Variants in MSANTD3 observed in about 807,000 individuals in gnomAD.
The protein encoded by MSANTD3 is myb/SANT-like DNA-binding domain-containing protein 3.
In MSANTD3, 11 loss-of-function variants were observed where a neutral mutation model predicts 27.7. That is an observed-to-expected ratio of 0.40 (90% CI 0.25 to 0.66). The LOEUF (loss-of-function observed/expected upper bound fraction) is 0.66. MSANTD3 is among the 30% of genes least tolerant of loss of function. The probability of loss-of-function intolerance (pLI) is 0.41; values close to 1 mark genes in which losing one functional copy is unlikely to be tolerated. For missense variants in MSANTD3, 250 were observed against 336.5 expected, an observed-to-expected ratio of 0.74 and a Z score of 2.01; for synonymous variants, 131 against 127.2, an observed-to-expected ratio of 1.03 and a Z score of -0.20.
At chr9:100,434,989 A>G (rs12004968) in intron 1 of MSANTD3, among the ~76,000 whole-genome samples, 30,715 of 151,860 alleles carry the variant, frequency 0.2, 3,205 homozygotes, top group South Asian at 0.33. Context: ...ACACACACAC[A>G]CGTGCGCACA....
chr9:100,449,612 A>G (rs943357738), intron 2 of MSANTD3, among the ~76,000 whole-genome samples: 1 of 152,182 alleles, frequency 6.6e-6, no homozygotes, highest in African/African-American at 2.4e-5. Flanking sequence ...GAAAAAAAGC[A>G]TGACCTTATA....
chr9:100,443,915 C>T (rs1459284612), intron 2 of MSANTD3, among the ~76,000 whole-genome samples: 2 of 152,164 alleles, frequency 1.3e-5, no homozygotes, highest in Non-Finnish European at 2.9e-5. Context: ...GCAAGCACTT[C>T]CCCAGGAAAA....
rs1375876854 is a variant in MSANTD3 at position 100,451,253 on chromosome 9, GTTGT to G, written c.*290_*293del. 5.4e-5 allele frequency: 15 copies of G among 277,342 alleles called. No homozygotes were observed. The highest frequency in any genetic ancestry group is 7.9e-5 in the Non-Finnish European group (12 of 150,970). 17.2% of individuals were successfully genotyped at this position (277,342 alleles called of 1,614,324 possible). On this transcript the variant is annotated 3_prime_UTR_variant, in exon 3 of 3. Coordinates refer to ENST00000395067, the MANE Select transcript of MSANTD3 (RefSeq NM_080655.3). ...AGAACCACGTGTGAGTGTTGTTGTT[GTTGT>G]TTTTTTTTTTAATCAAATGCAAGTG...
At chr9:100,440,539 CTG>C (rs1435648518) in intron 1 of MSANTD3, among the ~76,000 whole-genome samples, 1 of 151,850 alleles carries the variant, frequency 6.6e-6, no homozygotes, top group Non-Finnish European at 1.5e-5. Flanking sequence ...GATGAAAAAA[CTG>C]AGGTTGCCAT....
rs558178252 is a variant in MSANTD3 at position 100,443,049 on chromosome 9, T to C, written c.418+693T>C. ...ATTTCACTTTTTTCAAAAAATATTTTTGGAGGTCCTTATTATTTGCAAAGC... is the reference window on the plus strand; with the variant it reads ...ATTTCACTTTTTTCAAAAAATATTTCTGGAGGTCCTTATTATTTGCAAAGC... On this transcript the variant is annotated intron_variant, in intron 2 of 2. Coordinates refer to ENST00000395067, the MANE Select transcript of MSANTD3 (RefSeq NM_080655.3). Among the ~76,000 whole-genome samples the C allele has an allele frequency of 3.9e-5, 6 of 152,274 alleles. No individual in the cohort carries two copies. The South Asian group carries it at 1.2e-3, about 32-fold the overall frequency.
chr9:100,445,356 C>A, intron 2 of MSANTD3: 1 of 634,670 alleles, frequency 1.6e-6, no homozygotes, highest in Non-Finnish European at 2.8e-6. Context: ...TTGTCACAAG[C>A]CACATGAGGC....
At chr9:100,444,928 T>C (rs1836718257) in intron 2 of MSANTD3, 1 of 387,548 alleles carries the variant, frequency 2.6e-6, no homozygotes, top group African/African-American at 2.0e-5. Context: ...TATTTTAAAT[T>C]GGATGTTTGT....
At chr9:100,448,097 G>A (rs1836798873) in intron 2 of MSANTD3, 2 of 478,712 alleles carry the variant, frequency 4.2e-6, no homozygotes, top group African/African-American at 4.2e-5. Flanking sequence ...AGGCTGAAGT[G>A]GGAGGGTCAC....
At chr9:100,433,521 C>T (rs1836415340) in intron 1 of MSANTD3, among the ~76,000 whole-genome samples, 1 of 152,106 alleles carries the variant, frequency 6.6e-6, no homozygotes, top group Non-Finnish European at 1.5e-5. Context: ...AGGCACATGC[C>T]ACCTTGCCTG....
chr9:100,430,988 C>G (rs1364887197), intron 1 of MSANTD3, among the ~76,000 whole-genome samples: 1 of 151,472 alleles, frequency 6.6e-6, no homozygotes, highest in Non-Finnish European at 1.5e-5. Context: ...CCACTTTATT[C>G]TTTTTCTTTT....
chr9:100,445,295 G>A, intron 2 of MSANTD3: 1 of 995,584 alleles, frequency 1.0e-6, no homozygotes, highest in East Asian at 2.4e-5. Context: ...TTGACATAAG[G>A]AATGTGTGTG....
intron 2 of MSANTD3, among the ~76,000 whole-genome samples, chr9:100,443,269 C>G (rs906327164): frequency 1.3e-5 from 2 of 151,842 alleles, no homozygotes; most frequent in African/African-American, 4.8e-5. Flanking sequence ...CGTGGTGGTG[C>G]ATGCCTGTAA....
chr9:100,440,727 A>G (rs1328568664), intron 1 of MSANTD3, among the ~76,000 whole-genome samples: 1 of 136,650 alleles, frequency 7.3e-6, no homozygotes, highest in Non-Finnish European at 1.5e-5. Flanking sequence ...AGTAGCTGGG[A>G]TTACAGGTGC....
Position 100,450,748 on chromosome 9 carries a change from C to T in MSANTD3, c.610C>T (p.Gln204Ter). ...GATGCATGAGGAAGAACACCATCAACAAATGTCCATCTTACAACTGCAACT... is the reference window on the plus strand; with the variant it reads ...GATGCATGAGGAAGAACACCATCAATAAATGTCCATCTTACAACTGCAACT... Reference protein sequence around the residue: ...KKMHEEEHHQQMSILQLQLIQ... With the variant: ...KKMHEEEHHQ The change falls in exon 3 of 3, where the codon CAA becomes TAA. Residue 204 changes from glutamine (Q) to a stop codon, truncating the protein, a stop_gained. Transcript: ENST00000395067. LOFTEE classifies it high-confidence loss of function. 6.2e-7 allele frequency: 1 copy of T among 1,614,014 alleles called. No individual in the cohort carries two copies. Among genetic ancestry groups the T allele is most frequent in the Non-Finnish European group, 8.5e-7 (1 of 1,179,992 alleles).
chr9:100,448,328 G>C, intron 2 of MSANTD3: 1 of 985,040 alleles, frequency 1.0e-6, no homozygotes, highest in South Asian at 4.7e-5. Context: ...AAAGAGAAAA[G>C]AGACTAGAAG....
chr9:100,442,232 C>T lies in MSANTD3; in HGVS notation c.294C>T (p.Ser98=), dbSNP rs200716867. The change falls in exon 2 of 3, where the codon AGC becomes AGT. Residue 98 remains serine, a synonymous_variant. Coordinates refer to ENST00000395067, the MANE Select transcript of MSANTD3 (RefSeq NM_080655.3). ...ERREKVKRSV[S]PLLSTHVLGK... ...GAGAGAAAGTGAAACGGAGCGTCAGCCCTCTCCTGAGTACCCACGTCCTAG... is the reference window on the plus strand; with the variant it reads ...GAGAGAAAGTGAAACGGAGCGTCAGTCCTCTCCTGAGTACCCACGTCCTAG... 8.1e-6 allele frequency: 13 copies of T among 1,614,154 alleles called. No individual in the cohort carries two copies. The East Asian group carries it at 2.7e-4, about 33-fold the overall frequency.
intron 1 of MSANTD3, among the ~76,000 whole-genome samples, chr9:100,434,565 C>G (rs1217252743): frequency 6.6e-6 from 1 of 152,122 alleles, no homozygotes; most frequent in East Asian, 1.9e-4. Context: ...GTGTATACTT[C>G]CTCCTTTCCA....
intron 2 of MSANTD3, chr9:100,449,286 T>C: frequency 1.0e-6 from 1 of 974,342 alleles, no homozygotes; most frequent in Non-Finnish European, 1.2e-6. Context: ...GGTATCCTTT[T>C]GCATCCATAT....
chr9:100,429,360 C>T (rs1469861973), intron 1 of MSANTD3: 1 of 152,130 alleles, frequency 6.6e-6, no homozygotes, highest in Non-Finnish European at 1.5e-5. Context: ...ACATATCTGG[C>T]GTGCAGTTCA....
Sources: gnomAD v4.1 joint callset for allele counts (sites outside exome capture counted in the v4.1 genomes callset) on GRCh38, gnomAD v4.1.1 for gene constraint, MANE v1.5 for transcripts, NCBI Gene and HGNC (gene_info 2026-07-23, HGNC 2026-07-21) for gene names.